Variants in TTN observed in about 807,000 individuals in gnomAD.
TTN encodes the protein titin, also known as connectin.
In TTN, 1,525 loss-of-function variants were observed where a neutral mutation model predicts 3,223.0. The observed-to-expected ratio is 0.47, with a 90% CI of 0.45 to 0.49. The LOEUF is 0.49. Among genes scored for constraint, TTN ranks in the 20% least tolerant of loss-of-function variants. The pLI, the probability that TTN is intolerant of heterozygous loss-of-function variation, is 0.00. For synonymous variants in TTN, 14,094 were observed against 15,161.0 expected, an observed-to-expected ratio of 0.93 and a Z score of 5.17; for missense variants, 40,786 against 43,424.0, an observed-to-expected ratio of 0.94 and a Z score of 5.40.
rs756355325 is a variant in TTN at position 178,701,519 on chromosome 2, G to T, written c.30598+9C>A. 1.2e-6 allele frequency: 2 copies of T among 1,611,538 alleles called. No homozygotes were observed. The highest frequency in any genetic ancestry group is 1.7e-6 in the Non-Finnish European group (2 of 1,178,850). On this transcript the variant is annotated intron_variant, in intron 110 of 362. Transcript: ENST00000589042. ...CTCCAAGCTCAGATGTTGAGGTTCT[G>T]GGTCTTACCTTCTGGTGGCACTGCT...
rs765265590 is a variant in TTN, at chr2:178,614,217, C to T, written c.49180G>A (p.Asp16394Asn). The change falls in exon 262 of 363, where the codon GAT becomes AAT. Residue 16394 changes from aspartate to asparagine, a missense_variant. Asp to Asn is a conservative substitution (Grantham distance 23). Coordinates refer to ENST00000589042, the MANE Select transcript of TTN (RefSeq NM_001267550.2). ...GAGAGCTTGTGCCACACTTCACTAT[C>T]AGTTGCTCGTCTCTCCACAACATAG... The part of the protein sequence containing the change: ...TNYVVERRAT[D>N]SEVWHKLSST... 2 of 1,612,576 alleles carry T rather than the reference C, an allele frequency of 1.2e-6. No homozygotes were observed. Among genetic ancestry groups the T allele is most frequent in the Admixed American group, 3.3e-5 (2 of 59,860 alleles).
At chr2:178,730,023 C>T in intron 62 of TTN, 70 bp downstream of exon 62, 1 of 1,585,332 alleles carries the variant, frequency 6.3e-7, no homozygotes, top group Non-Finnish European at 8.6e-7. Flanking sequence ...CTTAAGCGTC[C>T]CCCGCCCCGG....
chr2:178,705,017 A>G, intron 103 of TTN, 51 bp from the exon 104 acceptor site: 1 of 1,602,140 alleles, frequency 6.2e-7, no homozygotes, highest in East Asian at 2.2e-5. Flanking sequence ...AATTTGATTT[A>G]GAGGACGCAT....
Position 178,608,182 on chromosome 2 carries a change from T to G in TTN, c.52701A>C (p.Pro17567=), listed in dbSNP as rs1406177270. Residue 17567 remains proline, a synonymous_variant, in exon 275 of 363, where the codon CCA becomes CCC. Transcript: ENST00000589042. ...PPSDPKTAHD[P]ISPPGPPIPR... Reference sequence around the variant, plus strand: ...TCTTCTTAAGGAACTACTTACAGATTGGATCATGTGCTGTTTTGGGATCTG... The same window carrying G: ...TCTTCTTAAGGAACTACTTACAGATGGGATCATGTGCTGTTTTGGGATCTG... 6.2e-7 allele frequency: 1 copy of G among 1,601,848 alleles called. No individual in the cohort carries two copies. The highest frequency in any genetic ancestry group is 1.1e-5 in the South Asian group (1 of 89,386).
At chr2:178,631,823 C>A (rs1354609913) in intron 236 of TTN, among the ~76,000 whole-genome samples, 1 of 151,938 alleles carries the variant, frequency 6.6e-6, no homozygotes, top group Non-Finnish European at 1.5e-5. Flanking sequence ...AAAAACATTC[C>A]TCTGAAATAA....
Position 178,775,617 on chromosome 2 carries a change from T to C in TTN, c.6247A>G (p.Arg2083Gly). Residue 2083 changes from arginine (R) to glycine (G), a missense_variant, in exon 28 of 363, where the codon AGA becomes GGA. By Grantham distance (125) the Arg-to-Gly change is moderately radical. Transcript: ENST00000589042. ...PSMEAPKIFERIQSQTVGQGS... is the reference protein window; with the variant it reads ...PSMEAPKIFEGIQSQTVGQGS... ...TGGCCCACTGTTTGGCTCTGGATTC[T>C]TTCGAAGATTTTTGGAGCCTCCATA... is the stretch of plus-strand genomic sequence containing the variant. 6.2e-7 allele frequency: 1 copy of C among 1,614,128 alleles called. No homozygotes were observed. The highest frequency in any genetic ancestry group is 8.5e-7 in the Non-Finnish European group (1 of 1,179,998).
At chr2:178,791,725 T>A (rs944593747) in intron 10 of TTN, among the ~76,000 whole-genome samples, 1 of 151,596 alleles carries the variant, frequency 6.6e-6, no homozygotes, top group Non-Finnish European at 1.5e-5. Flanking sequence ...TGCATTACAA[T>A]CTAAGTGACT....
At chr2:178,806,020 C>A (rs1422808850) in intron 1 of TTN, among the ~76,000 whole-genome samples, 1 of 152,172 alleles carries the variant, frequency 6.6e-6, no homozygotes, top group Non-Finnish European at 1.5e-5. Context: ...TCAATCACTT[C>A]ATTACTATTT....
In TTN at chr2:178,601,731, A is replaced by G. The variant is rs758900316; in HGVS notation, c.55359T>C (p.His18453=). The change falls in exon 286 of 363, where the codon CAT becomes CAC. Residue 18453 remains histidine (H), a synonymous_variant. Coordinates refer to ENST00000589042, the MANE Select transcript of TTN (RefSeq NM_001267550.2). ...VIIIPECKRS[H]TGKYSITAKN... is the part of the protein sequence containing the mutation. ...TGGCTGTGATGCTGTATTTGCCTGT[A>G]TGAGATCGTTTACACTCCGGAATAA... 4.3e-6 allele frequency: 7 copies of G among 1,609,892 alleles called. No individual in the cohort carries two copies. Among genetic ancestry groups the G allele is most frequent in the Admixed American group, 1.7e-5 (1 of 59,418 alleles).
chr2:178,590,442 C>T lies in TTN; in HGVS notation c.61283G>A (p.Arg20428Lys), dbSNP rs1158402913. Reference sequence around the variant, plus strand: ...TCCAGGTACCCTAAAGGCACATTGCCTAATGAGTTCATCTTTATTAATCCT... The same window carrying T: ...TCCAGGTACCCTAAAGGCACATTGCTTAATGAGTTCATCTTTATTAATCCT... ...WNRINKDELI[R>K]QCAFRVPGLI... Residue 20428 changes from arginine (R) to lysine (K), a missense_variant, in exon 304 of 363, where the codon AGG becomes AAG. Physicochemically the swap from Arg to Lys is conservative, Grantham distance 26. Coordinates refer to ENST00000589042, the MANE Select transcript of TTN (RefSeq NM_001267550.2). The T allele has an allele frequency of 1.2e-6, 2 of 1,612,826 alleles. No homozygotes were observed. The highest frequency in any genetic ancestry group is 1.3e-5 in the African/African-American group (1 of 74,866).
At position 178,589,487 on chromosome 2, in the gene TTN, CTTTG is replaced by C; in HGVS notation, c.62234_62237del (p.Thr20745ArgfsTer10). 1 of 1,613,390 alleles carries C rather than the reference CTTTG, an allele frequency of 6.2e-7. No individual in the cohort carries two copies. The highest frequency in any genetic ancestry group is 8.5e-7 in the Non-Finnish European group (1 of 1,179,634). On this transcript the variant is annotated frameshift_variant, in exon 304 of 363. Transcript: ENST00000589042. LOFTEE classifies it high-confidence loss of function. Reference sequence around the variant, plus strand: ...CCCAGTCACTTTCCCCACCTTCATTCTTTGTTTGCACTCTGAACTCATAAATCTG... The same window carrying C: ...CCCAGTCACTTTCCCCACCTTCATTCTTTGCACTCTGAACTCATAAATCTG...
chr2:178,547,760 G>A lies in TTN; in HGVS notation c.93866C>T (p.Thr31289Ile). The change falls in exon 339 of 363, where the codon ACC (threonine) becomes ATC (isoleucine). Residue 31289 changes from threonine to isoleucine, a missense_variant. By Grantham distance (89) the Thr-to-Ile change is moderately conservative. Transcript: ENST00000589042. ...TTTAACACCAGCTGTATTTTCCAGG[G>A]TCAAGAAGTATCTTCCAGAGTCACC... ...MRGDSGRYFL[T>I]LENTAGVKTF... 1 of 1,613,912 alleles carries A rather than the reference G, an allele frequency of 6.2e-7. No individual in the cohort carries two copies. The highest frequency in any genetic ancestry group is 1.3e-5 in the African/African-American group (1 of 75,030).
At chr2:178,669,564 T>C (rs764519261) in intron 158 of TTN, 28 bp downstream of exon 158, 124 of 1,610,194 alleles carry the variant, frequency 7.7e-5, no homozygotes, top group Non-Finnish European at 1.0e-4. Context: ...AAGAATTATT[T>C]CATGTTCTGA....
chr2:178,736,009 T>G lies in TTN; in HGVS notation c.14437A>C (p.Lys4813Gln). 1 of 1,613,000 alleles carries G rather than the reference T, an allele frequency of 6.2e-7. No homozygotes were observed. Among genetic ancestry groups the G allele is most frequent in the Non-Finnish European group, 8.5e-7 (1 of 1,179,236 alleles). The change falls in exon 50 of 363, where the codon AAG (lysine) becomes CAG (glutamine). Residue 4813 changes from lysine to glutamine, a missense_variant. Lys to Gln is a moderately conservative substitution (Grantham distance 53). Coordinates refer to ENST00000589042, the MANE Select transcript of TTN (RefSeq NM_001267550.2). ...SLTTFVGKAA[K>Q]FICTVTGTPV... ...GTCCCTGTCACTGTGCAGATGAACT[T>G]GGCTGCCTTACCCACAAAAGTTGTA... is the stretch of plus-strand genomic sequence containing the variant.
At position 178,678,453 on chromosome 2, in the gene TTN, C is replaced by G; in HGVS notation, c.33871G>C (p.Val11291Leu). ...GCCTCCACTTTCTTAGGAGCAGGAA[C>G]TGGCACCTTCTTCTCAGGCACAGGC... Reference protein sequence around the residue: ...KKPVPEKKVPVPAPKKVEAPP... With the variant: ...KKPVPEKKVPLPAPKKVEAPP... Residue 11291 changes from valine (V) to leucine (L), a missense_variant, in exon 144 of 363, where the codon GTT (valine) becomes CTT (leucine). Val to Leu is a conservative substitution (Grantham distance 32). Transcript: ENST00000589042. 3 of 1,596,850 alleles carry G rather than the reference C, an allele frequency of 1.9e-6. No homozygotes were observed. Among genetic ancestry groups the G allele is most frequent in the Non-Finnish European group, 2.6e-6 (3 of 1,171,884 alleles).
rs1468988284 is a variant in TTN at position 178,776,826 on chromosome 2, G to A, written c.5038C>T (p.Leu1680Phe). Residue 1680 changes from leucine (L) to phenylalanine (F), a missense_variant, in exon 28 of 363, where the codon CTC becomes TTC. Physicochemically the swap from Leu to Phe is conservative, Grantham distance 22 (BLOSUM62 0). Transcript: ENST00000589042. ...TGCTCTTGGCCATATCGCAAATGGA[G>A]GGGCTCCAGTTCTGGGGCTGCAATC... ...KEIAAPELEP[L>F]HLRYGQEQWE... The A allele has an allele frequency of 1.9e-6, 3 of 1,614,132 alleles. No individual in the cohort carries two copies. Among genetic ancestry groups the A allele is most frequent in the South Asian group, 1.1e-5 (1 of 91,086 alleles).
chr2:178,592,055 C>T lies in TTN; in HGVS notation c.59849G>A (p.Arg19950Gln), dbSNP rs374914334. ...TCCATACTGGTTCTCCGCAGCTACT[C>T]GGAAGAGGTACTGGTTGCCTTCATT... is the stretch of plus-strand genomic sequence containing the variant. ...HLNEGNQYLF[R>Q]VAAENQYGRG... The change falls in exon 302 of 363, where the codon CGA (arginine) becomes CAA (glutamine). Residue 19950 changes from arginine to glutamine, a missense_variant. Arg to Gln is a conservative substitution (Grantham distance 43, BLOSUM62 1). Transcript: ENST00000589042. 1.1e-4 allele frequency: 184 copies of T among 1,612,932 alleles called. 1 individual carries two copies. The East Asian group carries it at 1.7e-3, about 15-fold the overall frequency.
rs1696965426 is a variant in TTN, at chr2:178,546,077, A to T, written c.95159T>A (p.Val31720Glu). ...GGCTAAAGTGCACTTCTCCTGTGTT[A>T]CTCTGCTGACGGTGAGCTTTCCACA... ...GPCGKLTVSR[V>E]TQEKCTLAWS... Residue 31720 changes from valine to glutamate, a missense_variant, in exon 343 of 363, where the codon GTA becomes GAA. Physicochemically the swap from Val to Glu is moderately radical, Grantham distance 121 (BLOSUM62 -2). Transcript: ENST00000589042. The T allele has an allele frequency of 6.2e-7, 1 of 1,612,360 alleles. No homozygotes were observed. The highest frequency in any genetic ancestry group is 1.3e-5 in the African/African-American group (1 of 74,870).
At position 178,773,237 on chromosome 2, in the gene TTN, G is replaced by T. The variant is rs1420811529; in HGVS notation, c.7727C>A (p.Ser2576Tyr). Reference sequence around the variant, plus strand: ...TCCATGTGCTTCAATTTTATATTTAGAACTGGGCTTGATTTCCTTGTCCTT... The same window carrying T: ...TCCATGTGCTTCAATTTTATATTTATAACTGGGCTTGATTTCCTTGTCCTT... Reference protein sequence around the residue: ...NFKDKEIKPSSKYKIEAHGKI... With the variant: ...NFKDKEIKPSYKYKIEAHGKI... The change falls in exon 33 of 363, where the codon TCT becomes TAT. Residue 2576 changes from serine (S) to tyrosine (Y), a missense_variant. By Grantham distance (144) the Ser-to-Tyr change is moderately radical. Coordinates refer to ENST00000589042, the MANE Select transcript of TTN (RefSeq NM_001267550.2). The T allele has an allele frequency of 6.2e-7, 1 of 1,613,722 alleles. No individual in the cohort carries two copies. Among genetic ancestry groups the T allele is most frequent in the Non-Finnish European group, 8.5e-7 (1 of 1,179,908 alleles).
Sources: gnomAD v4.1 joint callset for allele counts (sites outside exome capture counted in the v4.1 genomes callset) on GRCh38, gnomAD v4.1.1 for gene constraint, MANE v1.5 for transcripts, NCBI Gene and HGNC (gene_info 2026-07-23, HGNC 2026-07-21) for gene names.